The following UGT1A10 variants were observed in gnomAD, a reference collection of about 807,000 sequenced individuals.
UGT1A10 encodes the protein UDP glucuronosyltransferase family 1 member A10.
UGT1A10 carries 49 observed loss-of-function variants against 45.8 expected under a neutral mutation model. The ratio of observed to expected loss-of-function variants is 1.07; its 90% CI spans 0.85 to 1.36. The LOEUF (loss-of-function observed/expected upper bound fraction) is 1.36. UGT1A10 is among the 40% of genes most tolerant of loss of function. UGT1A10 has a pLI of 0.00. For synonymous variants in UGT1A10, 284 were observed against 249.7 expected (o/e 1.14, Z -1.29); for missense variants, 745 against 668.6 (o/e 1.11, Z -1.26).
At chr2:233,719,343 T>A (rs532530633) in intron 1 of UGT1A10, 40 of 1,613,928 alleles carry the variant, frequency 2.5e-5, no homozygotes, top group Middle Eastern at 1.7e-4. Flanking sequence ...TTTTTGGAGG[T>A]ACATTCCATG....
In UGT1A10 at chr2:233,728,991, T is replaced by C. The variant is rs868429591; in HGVS notation, c.856-38043T>C. On this transcript the variant is annotated intron_variant, in intron 1 of 4. Transcript: ENST00000344644. ...GATAGATTAATGGTTAATAATTAAC[T>C]AGAGGAGGGCACTCTGTCTTCCAAT... 5.2e-5 allele frequency: 80 copies of C among 1,542,528 alleles called. No homozygotes were observed. The African/African-American group carries it at 1.0e-3, about 20-fold the overall frequency.
chr2:233,639,893 T>G (rs906908599), intron 1 of UGT1A10, among the ~76,000 whole-genome samples: 2 of 152,326 alleles, frequency 1.3e-5, no homozygotes, highest in East Asian at 1.9e-4. Context: ...CAGCAGAACA[T>G]TGAAATAGTT....
At chr2:233,768,504 G>GA in intron 4 of UGT1A10, 65 bp downstream of exon 4, 1 of 1,558,444 alleles carries the variant, frequency 6.4e-7, no homozygotes. Flanking sequence ...TTTCAAATAT[G>GA]AAAACATTTA....
At chr2:233,647,261 A>G (rs2073629856) in intron 1 of UGT1A10, among the ~76,000 whole-genome samples, 1 of 152,238 alleles carries the variant, frequency 6.6e-6, no homozygotes, top group African/African-American at 2.4e-5. Flanking sequence ...GTGGGGACAC[A>G]GCCAAACCAT....
intron 1 of UGT1A10, among the ~76,000 whole-genome samples, chr2:233,732,351 ATGAAGTCC>A: frequency 6.6e-6 from 1 of 152,222 alleles, no homozygotes; most frequent in Non-Finnish European, 1.5e-5. Flanking sequence ...TGTTTTAGTC[ATGAAGTCC>A]TGGCCCATGC....
At chr2:233,761,962 G>A (rs1257423083) in intron 1 of UGT1A10, among the ~76,000 whole-genome samples, 1 of 152,228 alleles carries the variant, frequency 6.6e-6, no homozygotes, top group Non-Finnish European at 1.5e-5. Flanking sequence ...CCATTAAGGG[G>A]ACTGATATCA....
chr2:233,689,946 CT>C (rs1231536874), intron 1 of UGT1A10: 1 of 456,410 alleles, frequency 2.2e-6, no homozygotes. Context: ...CAAGATTTTC[CT>C]TTATTTCCAT....
intron 1 of UGT1A10, chr2:233,693,074 G>A: frequency 6.2e-7 from 1 of 1,614,172 alleles, no homozygotes; most frequent in Non-Finnish European, 8.5e-7. Flanking sequence ...TTGGGGCATG[G>A]TTGTAGGTGA....
chr2:233,772,962 G>T lies in UGT1A10; in HGVS notation c.*403G>T, dbSNP rs1038101651. On this transcript the variant is annotated 3_prime_UTR_variant, in exon 5 of 5. Coordinates refer to ENST00000344644, the MANE Select transcript of UGT1A10 (RefSeq NM_019075.4). ...TTGGCTTCTGCAGATGGTTGCAATT[G>T]ATCCTTAACCAATAATGGTCAGTCC... 6.4e-6 allele frequency: 2 copies of T among 313,106 alleles called. No homozygotes were observed. Among genetic ancestry groups the T allele is most frequent in the Middle Eastern group, 1.1e-3 (1 of 878 alleles). 19.4% of individuals were successfully genotyped at this position (313,106 alleles called of 1,614,324 possible). A position where few individuals can be genotyped will look rare whatever the true frequency, so the allele number is the denominator to read the frequency against.
chr2:233,693,346 T>C, intron 1 of UGT1A10: 1 of 1,614,200 alleles, frequency 6.2e-7, no homozygotes, highest in Non-Finnish European at 8.5e-7. Context: ...AGTACAGGAA[T>C]AACATGATTG....
rs901805821 is a variant in UGT1A10, at chr2:233,637,502, A to G, written c.855+125A>G. On this transcript the variant is annotated intron_variant, in intron 1 of 4. Transcript: ENST00000344644. ...TTTCAAATTTCTTTCCAGTTTAACA[A>G]ATTATTTTGTGCGAATTCATGTACT... is the stretch of plus-strand genomic sequence containing the variant. 8.7e-6 allele frequency: 13 copies of G among 1,487,174 alleles called. No individual in the cohort carries two copies. In the African/African-American group the frequency reaches 1.3e-4, roughly 14 times the overall value. The allele number at this position is 1,487,174 out of a possible 1,614,324, so 92.1% of individuals were successfully genotyped here. A position where few individuals can be genotyped will look rare whatever the true frequency, so the allele number is the denominator to read the frequency against.
At chr2:233,701,241 G>A (rs1418250503) in intron 1 of UGT1A10, among the ~76,000 whole-genome samples, 2 of 152,066 alleles carry the variant, frequency 1.3e-5, no homozygotes, top group African/African-American at 4.8e-5. Context: ...ACCCAGTAAT[G>A]AGATGGCTGG....
intron 1 of UGT1A10, among the ~76,000 whole-genome samples, chr2:233,696,935 T>C (rs2075366322): frequency 6.6e-6 from 1 of 152,194 alleles, no homozygotes; most frequent in Non-Finnish European, 1.5e-5. Context: ...AATAAATGCA[T>C]CAGGATTAAT....
chr2:233,686,301 G>T (rs1224924441), intron 1 of UGT1A10, among the ~76,000 whole-genome samples: 1 of 151,580 alleles, frequency 6.6e-6, no homozygotes, highest in African/African-American at 2.4e-5. Context: ...AGAAAAACAA[G>T]AGATAAATCT....
At chr2:233,768,066 C>A in intron 3 of UGT1A10, 130 bp downstream of exon 3, 1 of 1,597,468 alleles carries the variant, frequency 6.3e-7, no homozygotes, top group Non-Finnish European at 8.5e-7. Context: ...TGCTTTTTAT[C>A]TAGTGGGGTA....
chr2:233,684,824 A>G (rs898915633), intron 1 of UGT1A10, among the ~76,000 whole-genome samples: 1 of 152,254 alleles, frequency 6.6e-6, no homozygotes, highest in Non-Finnish European at 1.5e-5. Flanking sequence ...GTAAATTGTC[A>G]TAGAAAAATT....
At chr2:233,772,125 C>T in intron 4 of UGT1A10, 137 bp from the exon 5 acceptor site, 1 of 1,536,166 alleles carries the variant, frequency 6.5e-7, no homozygotes, top group South Asian at 1.2e-5. Flanking sequence ...AAAACAACAA[C>T]AACAACAATA....
At chr2:233,715,970 T>C (rs1015053645) in intron 1 of UGT1A10, among the ~76,000 whole-genome samples, 4 of 152,216 alleles carry the variant, frequency 2.6e-5, no homozygotes, top group East Asian at 1.9e-4. Flanking sequence ...GATTGACTGA[T>C]TGATTGATTT....
At chr2:233,672,138 A>G in intron 1 of UGT1A10, 1 of 1,614,218 alleles carries the variant, frequency 6.2e-7, no homozygotes, top group South Asian at 1.1e-5. Flanking sequence ...AACTGGGAAG[A>G]TCACTGAATT....
Sources: allele counts gnomAD v4.1 joint callset (sites outside exome capture counted in the v4.1 genomes callset), GRCh38; gene constraint gnomAD v4.1.1; transcripts MANE v1.5; gene names NCBI Gene and HGNC (gene_info 2026-07-23, HGNC 2026-07-21).